TP63: variants seen among roughly 807,000 people sequenced by gnomAD.
The protein encoded by TP63 is tumor protein 63.
A neutral mutation model predicts 82.8 loss-of-function variants in TP63; 17 were observed. The observed-to-expected ratio is 0.21, with a 90% CI of 0.14 to 0.31. The LOEUF (loss-of-function observed/expected upper bound fraction) is 0.31, where lower values mean the gene tolerates loss of function less well. Ranked by LOEUF, TP63 falls within the 10% of genes least tolerant of loss-of-function variation. The pLI is 1.00. For synonymous variants in TP63, 330 were observed against 321.7 expected (o/e 1.03, Z -0.28); for missense variants, 648 against 895.3 (o/e 0.72, Z 3.52).
intron 1 of TP63, among the ~76,000 whole-genome samples, chr3:189,701,522 CATATAT>C (rs35031313): frequency 0.039 from 5,284 of 136,708 alleles, 331 homozygotes; most frequent in African/African-American, 0.13. Flanking sequence ...GATATATATA[CATATAT>C]ATATATATAT....
intron 5 of TP63, among the ~76,000 whole-genome samples, chr3:189,864,859 T>A (rs1271143783): frequency 6.6e-6 from 1 of 151,846 alleles, no homozygotes; most frequent in Admixed American, 6.6e-5. Flanking sequence ...ACAAAAAAAT[T>A]AGCTGGGCAT....
chr3:189,599,900 C>T, the TP63 span, among the ~76,000 whole-genome samples: 5 of 152,234 alleles, frequency 3.3e-5, no homozygotes, highest in Admixed American at 6.5e-5. Context: ...TTTTCCTCAA[C>T]GAGTCAAACA....
Position 189,789,984 on chromosome 3 carries a change from A to G in TP63, c.325-18288A>G, listed in dbSNP as rs554022095. The G allele has an allele frequency of 4.2e-5, 32 of 762,706 alleles. No individual in the cohort carries two copies. In the South Asian group the frequency reaches 1.6e-3, roughly 39 times the overall value. 47.2% of individuals were successfully genotyped at this position (762,706 alleles called of 1,614,324 possible). On this transcript the variant is annotated intron_variant, in intron 3 of 13. Coordinates refer to ENST00000264731, the MANE Select transcript of TP63 (RefSeq NM_003722.5). ...TATAGGAATCTCCTTTTCTTGGTTA[A>G]TGTTTTCTGTGGTGGCTGTAAGATT...
intron 3 of TP63, among the ~76,000 whole-genome samples, chr3:189,747,182 T>C (rs1721445315): frequency 6.6e-6 from 1 of 151,998 alleles, no homozygotes; most frequent in South Asian, 2.1e-4. Flanking sequence ...ACTCACAGCA[T>C]TAGAGAGATC....
the TP63 span, among the ~76,000 whole-genome samples, chr3:189,604,275 A>T: frequency 6.6e-6 from 1 of 152,206 alleles, no homozygotes; most frequent in Admixed American, 6.5e-5. Context: ...GGGTATGTGG[A>T]AGAATTAGAA....
intron 4 of TP63, among the ~76,000 whole-genome samples, chr3:189,811,327 C>T (rs1727548923): frequency 6.6e-6 from 1 of 152,134 alleles, no homozygotes; most frequent in South Asian, 2.1e-4. Context: ...TCATGAGTGT[C>T]CTTGGTTAAG....
intron 1 of TP63, among the ~76,000 whole-genome samples, chr3:189,714,410 G>A (rs954877797): frequency 6.6e-6 from 1 of 152,050 alleles, no homozygotes; most frequent in Non-Finnish European, 1.5e-5. Flanking sequence ...GAATATAACC[G>A]AGAATAATAC....
intron 1 of TP63, among the ~76,000 whole-genome samples, chr3:189,696,170 T>C (rs985609425): frequency 6.6e-6 from 1 of 152,132 alleles, no homozygotes; most frequent in African/African-American, 2.4e-5. Flanking sequence ...AGATTTTCAC[T>C]GCCCTAGGTT....
chr3:189,684,671 C>T (rs761061594), intron 1 of TP63, among the ~76,000 whole-genome samples: 1 of 142,820 alleles, frequency 7.0e-6, no homozygotes, highest in Non-Finnish European at 1.5e-5. Context: ...ACTCTTGTTG[C>T]TCAGCCTGGA....
chr3:189,604,278 A>G, the TP63 span, among the ~76,000 whole-genome samples: 6 of 152,216 alleles, frequency 3.9e-5, no homozygotes, highest in African/African-American at 1.4e-4. Flanking sequence ...TATGTGGAAG[A>G]ATTAGAACAA....
chr3:189,806,246 T>C (rs920336916), intron 3 of TP63, among the ~76,000 whole-genome samples: 27 of 151,932 alleles, frequency 1.8e-4, no homozygotes, highest in African/African-American at 5.3e-4. Context: ...TAGCTGGGGT[T>C]CCTTCTGTGT....
At chr3:189,769,367 C>T (rs1047388108) in intron 3 of TP63, among the ~76,000 whole-genome samples, 1 of 152,002 alleles carries the variant, frequency 6.6e-6, no homozygotes, top group African/African-American at 2.4e-5. Context: ...TAGTCAGTTC[C>T]TTTGAGAATA....
intron 1 of TP63, 144 bp from the exon 2 acceptor site, chr3:189,737,596 G>T: frequency 9.5e-7 from 1 of 1,048,792 alleles, no homozygotes; most frequent in African/African-American, 1.6e-5. Flanking sequence ...TGCCAATTGT[G>T]CAACTTGTAA....
chr3:189,661,862 G>A (rs1577195957), intron 1 of TP63, among the ~76,000 whole-genome samples: 1 of 152,006 alleles, frequency 6.6e-6, no homozygotes, highest in South Asian at 2.1e-4. Flanking sequence ...GAATAGATAT[G>A]TTTATAATAG....
intron 1 of TP63, among the ~76,000 whole-genome samples, chr3:189,700,957 G>A (rs892518125): frequency 6.6e-6 from 1 of 152,182 alleles, no homozygotes; most frequent in East Asian, 1.9e-4. Context: ...CAAAAATAAT[G>A]TTAATGAATC....
At chr3:189,639,719 G>T (rs1711646021) in intron 1 of TP63, among the ~76,000 whole-genome samples, 1 of 152,056 alleles carries the variant, frequency 6.6e-6, no homozygotes, top group Non-Finnish European at 1.5e-5. Context: ...TTTGAGTCAA[G>T]AAATACAAAA....
At chr3:189,677,746 CTCA>C (rs1216712767) in intron 1 of TP63, among the ~76,000 whole-genome samples, 1 of 152,034 alleles carries the variant, frequency 6.6e-6, no homozygotes, top group East Asian at 1.9e-4. Flanking sequence ...TCTCCCCAGC[CTCA>C]TCAACATCTG....
the TP63 span, among the ~76,000 whole-genome samples, chr3:189,621,411 C>G: frequency 6.6e-6 from 1 of 151,930 alleles, no homozygotes. Context: ...AGAGAATAAA[C>G]TTGACCAATA....
intron 4 of TP63, among the ~76,000 whole-genome samples, chr3:189,854,385 C>T (rs1356661296): frequency 6.6e-6 from 1 of 152,028 alleles, no homozygotes; most frequent in Non-Finnish European, 1.5e-5. Flanking sequence ...CATGTGCCAC[C>T]ACGCCCAGCT....
Sources: gnomAD v4.1 joint callset for allele counts (sites outside exome capture counted in the v4.1 genomes callset) on GRCh38, gnomAD v4.1.1 for gene constraint, MANE v1.5 for transcripts, NCBI Gene and HGNC (gene_info 2026-07-23, HGNC 2026-07-21) for gene names.